TSPAN11: variants seen among roughly 807,000 people sequenced by gnomAD.
TSPAN11 encodes tetraspanin-11.
Under a neutral mutation model 32.9 loss-of-function variants are expected in TSPAN11, and 29 were observed. The observed-to-expected ratio is 0.88, with a 90% CI of 0.66 to 1.20. The LOEUF is 1.20. TSPAN11 is among the 50% of genes most tolerant of loss of function. The pLI is 0.00. For synonymous variants in TSPAN11, 140 were observed against 141.3 expected (o/e 0.99, Z 0.07); for missense variants, 283 against 329.1 (o/e 0.86, Z 1.08).
rs1938933484 is a variant in TSPAN11, at chr12:30,975,011, G to A, written c.277-3550G>A. On this transcript the variant is annotated intron_variant, in intron 3 of 7. Coordinates refer to ENST00000546076, the MANE Select transcript of TSPAN11 (RefSeq NM_001370302.1). This position sits in a 1 kb window ranked among gnomAD's most constrained non-coding sequence, Gnocchi z 4.5. Reference sequence around the variant, plus strand: ...CGAGCTGGGTGTGGAAGGACAGGTAGGCACCAGCATTCCAGGCAGGGGGAC... The same window carrying A: ...CGAGCTGGGTGTGGAAGGACAGGTAAGCACCAGCATTCCAGGCAGGGGGAC... 6.6e-6 allele frequency among the ~76,000 whole-genome samples: 1 copy of A among 152,220 alleles called. No individual in the cohort carries two copies. The highest frequency in any genetic ancestry group is 1.9e-4 in the East Asian group (1 of 5,196).
chr12:30,973,786 C>CA (rs1480718838), intron 3 of TSPAN11, among the ~76,000 whole-genome samples: 6 of 152,284 alleles, frequency 3.9e-5, no homozygotes, highest in Admixed American at 1.3e-4. Flanking sequence ...TATAATAATT[C>CA]AAAAAGCAAT....
intron 1 of TSPAN11, among the ~76,000 whole-genome samples, chr12:30,946,036 CAGTT>C (rs1293997180): frequency 2.0e-5 from 3 of 152,192 alleles, no homozygotes; most frequent in Non-Finnish European, 2.9e-5. Flanking sequence ...CCGCCCCGCT[CAGTT>C]AGTTTGTTTC....
chr12:30,927,182 C>G (rs1310668608), intron 1 of TSPAN11, among the ~76,000 whole-genome samples: 1 of 152,232 alleles, frequency 6.6e-6, no homozygotes, highest in Non-Finnish European at 1.5e-5. Flanking sequence ...ACCCTGAATT[C>G]GAGTAGCTGC....
chr12:30,991,843 C>T lies in TSPAN11; in HGVS notation c.703-13C>T. The T allele has an allele frequency of 1.2e-6, 2 of 1,614,182 alleles. No homozygotes were observed. Among genetic ancestry groups the T allele is most frequent in the Non-Finnish European group, 1.7e-6 (2 of 1,180,018 alleles). On this transcript the variant is annotated splice_polypyrimidine_tract_variant and intron_variant, in intron 7 of 7. Transcript: ENST00000546076. ...TGATTTCTCTTTGCTCCTCTGCTCT[C>T]TCCACCTGGCAGATCTGCGGGATGG...
At chr12:30,949,742 C>T (rs969722987) in intron 1 of TSPAN11, among the ~76,000 whole-genome samples, 1 of 152,136 alleles carries the variant, frequency 6.6e-6, no homozygotes, top group Non-Finnish European at 1.5e-5. Flanking sequence ...AAAATATCCA[C>T]CTCCAGGTCT....
At chr12:30,980,885 C>T (rs4931402) in intron 5 of TSPAN11, among the ~76,000 whole-genome samples, 89,016 of 152,046 alleles carry the variant, frequency 0.59, 27,407 homozygotes, top group South Asian at 0.71. Context: ...CTGGGCCTCA[C>T]CTGTGAGGAA....
At chr12:30,959,547 A>G (rs749880468) in intron 2 of TSPAN11, among the ~76,000 whole-genome samples, 8 of 152,092 alleles carry the variant, frequency 5.3e-5, no homozygotes, top group Non-Finnish European at 1.2e-4. Flanking sequence ...ATAGTGCCTG[A>G]GTTACTAGGT....
chr12:30,943,337 CAT>C (rs985199305), intron 1 of TSPAN11, among the ~76,000 whole-genome samples: 1 of 152,202 alleles, frequency 6.6e-6, no homozygotes, highest in Non-Finnish European at 1.5e-5. Flanking sequence ...CATCTGCTCT[CAT>C]GTGTCTGGGT....
chr12:30,930,775 G>A (rs1242430730), intron 1 of TSPAN11, among the ~76,000 whole-genome samples: 1 of 152,232 alleles, frequency 6.6e-6, no homozygotes, highest in Non-Finnish European at 1.5e-5. Context: ...GTAGTAGTCA[G>A]GGGGTCTGTG....
intron 3 of TSPAN11, among the ~76,000 whole-genome samples, chr12:30,977,648 G>C (rs1354960711): frequency 1.3e-5 from 2 of 152,118 alleles, no homozygotes; most frequent in African/African-American, 4.8e-5. Context: ...GGGGAGAGAG[G>C]GAGTCCCAAC....
intron 2 of TSPAN11, among the ~76,000 whole-genome samples, chr12:30,963,613 G>C (rs2140292714): frequency 6.6e-6 from 1 of 152,332 alleles, no homozygotes; most frequent in Non-Finnish European, 1.5e-5. Context: ...TCAAAACCTG[G>C]CTCTGCAGGT....
intron 7 of TSPAN11, among the ~76,000 whole-genome samples, chr12:30,991,375 A>G (rs1042455526): frequency 9.9e-5 from 15 of 152,230 alleles, no homozygotes; most frequent in African/African-American, 3.6e-4. Flanking sequence ...ACAGCAAAAC[A>G]CAGGCAGACT....
At chr12:30,996,988 C>A (rs1402672403), downstream of TSPAN11, 1 of 152,220 alleles carries the variant, frequency 6.6e-6, no homozygotes, top group Non-Finnish European at 1.5e-5. Flanking sequence ...GCAGGCGCCA[C>A]CCTCTGCTTG....
intron 1 of TSPAN11, among the ~76,000 whole-genome samples, chr12:30,927,597 G>A (rs2140264535): frequency 6.6e-6 from 1 of 152,134 alleles, no homozygotes; most frequent in South Asian, 2.1e-4. Context: ...GGGGTGGGGG[G>A]TGAGGAGAAG....
Position 30,929,265 on chromosome 12 carries a change from C to T in TSPAN11, c.-12+2469C>T, listed in dbSNP as rs140334690. 3.3e-5 allele frequency among the ~76,000 whole-genome samples: 5 copies of T among 152,288 alleles called. No homozygotes were observed. The East Asian group carries it at 9.6e-4, about 29-fold the overall frequency. ...AATAGTACCGCAACTGGAAGAAATCCGCACTTGACCCTCAACGAGGATTAT... is the reference window on the plus strand; with the variant it reads ...AATAGTACCGCAACTGGAAGAAATCTGCACTTGACCCTCAACGAGGATTAT... On this transcript the variant is annotated intron_variant, in intron 1 of 7. Transcript: ENST00000546076.
chr12:30,990,968 T>C (rs1939300573), intron 7 of TSPAN11, among the ~76,000 whole-genome samples: 1 of 151,222 alleles, frequency 6.6e-6, no homozygotes, highest in South Asian at 2.1e-4. Context: ...CATCCTTGGG[T>C]GGGAGGGAGG....
the TSPAN11 span, among the ~76,000 whole-genome samples, chr12:31,003,852 C>A: frequency 1.3e-5 from 2 of 152,176 alleles, no homozygotes; most frequent in Non-Finnish European, 2.9e-5. Flanking sequence ...GCTGTCTTTA[C>A]CCCATCCAGC....
At chr12:31,007,235 C>A in the TSPAN11 span, among the ~76,000 whole-genome samples, 1 of 152,100 alleles carries the variant, frequency 6.6e-6, no homozygotes. Context: ...GCCTGGAATA[C>A]CAGATAAATA....
Position 30,935,187 on chromosome 12 carries a change from G to A in TSPAN11, c.-12+8391G>A, listed in dbSNP as rs551306006. The stretch of plus-strand genomic sequence containing the variant: ...ACCCAGACAGGGCCTCATGCAAGAT[G>A]TCTCCATGGGGTGAAGAAAGAGTGG... On this transcript the variant is annotated intron_variant, in intron 1 of 7. Coordinates refer to ENST00000546076, the MANE Select transcript of TSPAN11 (RefSeq NM_001370302.1). 4.9e-4 allele frequency among the ~76,000 whole-genome samples: 75 copies of A among 152,160 alleles called. 1 individual carries two copies. The South Asian group carries it at 6.5e-3, about 13-fold the overall frequency.
Sources: gnomAD v4.1 joint callset for allele counts (sites outside exome capture counted in the v4.1 genomes callset) on GRCh38, gnomAD v4.1.1 for gene constraint, Gnocchi (gnomAD v3.1) non-coding constraint, MANE v1.5 for transcripts, NCBI Gene and HGNC (gene_info 2026-07-23, HGNC 2026-07-21) for gene names.